The following PDZRN4 variants were observed in gnomAD, a reference collection of about 807,000 sequenced individuals.
PDZRN4 encodes the protein PDZ domain-containing RING finger protein 4.
In PDZRN4, 70 loss-of-function variants were observed where a neutral mutation model predicts 99.0. The observed-to-expected ratio is 0.71, with a 90% CI of 0.58 to 0.86. PDZRN4 has a LOEUF of 0.86. Ranked by LOEUF, PDZRN4 falls within the 40% of genes least tolerant of loss-of-function variation. The probability of loss-of-function intolerance (pLI) is 0.00; values close to 1 mark genes in which losing one functional copy is unlikely to be tolerated. For synonymous variants in PDZRN4, 551 were observed against 501.6 expected (o/e 1.10, Z -1.32); for missense variants, 1,474 against 1,331.2 (o/e 1.11, Z -1.67).
intron 3 of PDZRN4, among the ~76,000 whole-genome samples, chr12:41,234,034 CT>C (rs1951048979): frequency 6.6e-6 from 1 of 151,850 alleles, no homozygotes; most frequent in African/African-American, 2.4e-5. Flanking sequence ...AATATTGGCC[CT>C]TTGAGGAATA....
chr12:41,503,570 C>T (rs1249175130), intron 3 of PDZRN4, among the ~76,000 whole-genome samples: 4 of 152,134 alleles, frequency 2.6e-5, no homozygotes, highest in African/African-American at 4.8e-5. Context: ...CAAAAACAAT[C>T]CTACTTAGCT....
At chr12:41,212,535 CT>C (rs1333120926) in intron 3 of PDZRN4, among the ~76,000 whole-genome samples, 1 of 151,920 alleles carries the variant, frequency 6.6e-6, no homozygotes, top group Non-Finnish European at 1.5e-5. Flanking sequence ...CTCTAATTCT[CT>C]TTTTTAAAAT....
intron 3 of PDZRN4, among the ~76,000 whole-genome samples, chr12:41,465,199 C>T (rs144091832): frequency 6.6e-6 from 1 of 152,300 alleles, no homozygotes; most frequent in African/African-American, 2.4e-5. Context: ...CTACTCCTTT[C>T]TCTAAGGGCG....
chr12:41,239,341 G>A (rs564813655), intron 3 of PDZRN4, among the ~76,000 whole-genome samples: 1 of 152,296 alleles, frequency 6.6e-6, no homozygotes, highest in South Asian at 2.1e-4. Flanking sequence ...GGGAGGGACA[G>A]CATCAGGAAG....
At chr12:41,344,442 T>C (rs1051713511) in intron 3 of PDZRN4, among the ~76,000 whole-genome samples, 2 of 152,080 alleles carry the variant, frequency 1.3e-5, no homozygotes, top group African/African-American at 4.8e-5. Flanking sequence ...GATGAGTTTT[T>C]AGAAAATCAT....
chr12:41,519,467 C>T (rs183056786), intron 5 of PDZRN4, among the ~76,000 whole-genome samples: 149 of 152,180 alleles, frequency 9.8e-4, no homozygotes, highest in African/African-American at 3.5e-3. Flanking sequence ...GGTGCATCTT[C>T]ACAGCCAGGC....
chr12:41,517,702 C>T (rs1051652081), intron 5 of PDZRN4, among the ~76,000 whole-genome samples: 1 of 152,064 alleles, frequency 6.6e-6, no homozygotes, highest in Non-Finnish European at 1.5e-5. Flanking sequence ...TAGAATGTAA[C>T]TCATATAAGC....
intron 3 of PDZRN4, among the ~76,000 whole-genome samples, chr12:41,318,708 T>C (rs1281758550): frequency 1.3e-5 from 2 of 152,178 alleles, no homozygotes; most frequent in East Asian, 1.9e-4. Context: ...CTAATGATTT[T>C]CTCCATCACC....
Position 41,542,702 on chromosome 12 carries a change from T to G in PDZRN4, c.1204-9954T>G, listed in dbSNP as rs551597336. ...TGGTTTCTACTCTCAGCTCTGCCAC[T>G]AAATTGTCAGATGAATGTGGGTAAG... is the stretch of plus-strand genomic sequence containing the variant. On this transcript the variant is annotated intron_variant, in intron 5 of 9. Coordinates refer to ENST00000402685, the MANE Select transcript of PDZRN4 (RefSeq NM_001164595.2). Among the ~76,000 whole-genome samples the G allele has an allele frequency of 1.8e-4, 27 of 152,340 alleles. No homozygotes were observed. In the South Asian group the frequency reaches 5.2e-3, roughly 29 times the overall value.
At chr12:41,358,849 T>G (rs1387705239) in intron 3 of PDZRN4, among the ~76,000 whole-genome samples, 1 of 152,020 alleles carries the variant, frequency 6.6e-6, no homozygotes, top group Non-Finnish European at 1.5e-5. Flanking sequence ...TTATGATTCT[T>G]TCTTTTATAA....
chr12:41,350,432 C>A (rs534396118), intron 3 of PDZRN4, among the ~76,000 whole-genome samples: 1 of 152,064 alleles, frequency 6.6e-6, no homozygotes, highest in African/African-American at 2.4e-5. Context: ...TTTAAAAGTC[C>A]TTAAAGCACT....
intron 3 of PDZRN4, among the ~76,000 whole-genome samples, chr12:41,461,056 G>T (rs1300143794): frequency 6.6e-6 from 1 of 152,154 alleles, no homozygotes; most frequent in Non-Finnish European, 1.5e-5. Flanking sequence ...TGTAAAAAGT[G>T]CAGCAGTTTC....
intron 3 of PDZRN4, among the ~76,000 whole-genome samples, chr12:41,365,482 A>G (rs1257247145): frequency 6.6e-6 from 1 of 152,054 alleles, no homozygotes; most frequent in Non-Finnish European, 1.5e-5. Context: ...CAGGAATTCA[A>G]TTCTTAATTT....
chr12:41,269,070 C>T (rs1048583869), intron 3 of PDZRN4, among the ~76,000 whole-genome samples: 3 of 152,054 alleles, frequency 2.0e-5, no homozygotes, highest in African/African-American at 7.2e-5. Context: ...CCTAGAGCAA[C>T]GTAAAAGGAA....
rs564889802 is a variant in PDZRN4, at chr12:41,345,155, G to T, written c.843+150967G>T. Reference sequence around the variant, plus strand: ...GCATTAAAATAAAAATTCCATTTGGGTTATTATCTCCCCAGCTGTCTTTAC... The same window carrying T: ...GCATTAAAATAAAAATTCCATTTGGTTTATTATCTCCCCAGCTGTCTTTAC... On this transcript the variant is annotated intron_variant, in intron 3 of 9. Transcript: ENST00000402685. Among the ~76,000 whole-genome samples, 48 of 152,224 alleles carry T rather than the reference G, an allele frequency of 3.2e-4. No individual in the cohort carries two copies. The South Asian group carries it at 9.9e-3, about 32-fold the overall frequency.
In PDZRN4 at chr12:41,572,667, C is replaced by T; in HGVS notation, c.1888C>T (p.Leu630Phe). Residue 630 changes from leucine (L) to phenylalanine (F), a missense_variant, in exon 10 of 10, where the codon CTC (leucine) becomes TTC (phenylalanine). Transcript: ENST00000402685. ...TGAGGACTGTGAAAGATTCAGGCAG[C>T]TCTTGGAGCTCAAATGCAAGATTCG... ...PDEDCERFRQ[L>F]LELKCKIRNH... The T allele has an allele frequency of 6.2e-7, 1 of 1,614,156 alleles. No individual in the cohort carries two copies. Among genetic ancestry groups the T allele is most frequent in the Non-Finnish European group, 8.5e-7 (1 of 1,180,026 alleles).
chr12:41,370,158 T>C (rs1397097673), intron 3 of PDZRN4, among the ~76,000 whole-genome samples: 2 of 151,992 alleles, frequency 1.3e-5, no homozygotes, highest in East Asian at 1.9e-4. Flanking sequence ...ATCATCACCA[T>C]GTTTACCAAT....
chr12:41,202,485 T>G (rs1950823622), intron 3 of PDZRN4, among the ~76,000 whole-genome samples: 1 of 152,078 alleles, frequency 6.6e-6, no homozygotes, highest in South Asian at 2.1e-4. Flanking sequence ...GTGACTGACA[T>G]GGGTTGGGTG....
chr12:41,568,014 A>G, intron 9 of PDZRN4, 115 bp downstream of exon 9: 1 of 629,756 alleles, frequency 1.6e-6, no homozygotes, highest in Non-Finnish European at 2.8e-6. Context: ...CATCTCTATC[A>G]TGGTAATTTT....
Sources: gnomAD v4.1 joint callset for allele counts (sites outside exome capture counted in the v4.1 genomes callset) on GRCh38, gnomAD v4.1.1 for gene constraint, MANE v1.5 for transcripts, NCBI Gene and HGNC (gene_info 2026-07-23, HGNC 2026-07-21) for gene names.